Variants in DYNC2I1 observed in about 807,000 individuals in gnomAD.
DYNC2I1 encodes the protein cytoplasmic dynein 2 intermediate chain 1.
Under a neutral mutation model 133.4 loss-of-function variants are expected in DYNC2I1, and 89 were observed. That is an observed-to-expected ratio of 0.67 (90% CI 0.56 to 0.80). DYNC2I1 has a LOEUF of 0.80. Ranked by LOEUF, DYNC2I1 falls within the 30% of genes least tolerant of loss-of-function variation. The probability of loss-of-function intolerance (pLI) is 0.00; values close to 1 mark genes in which losing one functional copy is unlikely to be tolerated. For missense variants in DYNC2I1, 1,291 were observed against 1,314.5 expected (o/e 0.98, Z 0.28); for synonymous variants, 504 against 484.3 (o/e 1.04, Z -0.54).
In DYNC2I1 at chr7:158,911,625, A is replaced by G. The variant is rs1262631971; in HGVS notation, c.1536A>G (p.Pro512=). ...SFTFSLLDLP[P]VNEYDMYIRN... is the part of the protein sequence containing the mutation. ...CTTTCTCTCTCTTGGATCTACCACC[A>G]GTAAATGAATATGACATGTATATCA... The change falls in exon 12 of 25, where the codon CCA becomes CCG. Residue 512 remains proline (P), a synonymous_variant. Transcript: ENST00000407559. The G allele has an allele frequency of 2.5e-6, 4 of 1,613,742 alleles. No individual in the cohort carries two copies. The highest frequency in any genetic ancestry group is 3.3e-4 in the Middle Eastern group (2 of 6,060).
At chr7:158,898,308 G>T (rs1046653283) in intron 8 of DYNC2I1, among the ~76,000 whole-genome samples, 2 of 152,148 alleles carry the variant, frequency 1.3e-5, no homozygotes, top group South Asian at 4.1e-4. Flanking sequence ...CTGCCTGTTG[G>T]ATTTGTCCAT....
rs10231263 is a variant in DYNC2I1 at position 158,896,404 on chromosome 7, A to G, written c.1059+5071A>G. ...ATGGATTACATTAATTGATCCTTCAATGTTGAACCAGGCTTGCATACCTGG... is the reference window on the plus strand; with the variant it reads ...ATGGATTACATTAATTGATCCTTCAGTGTTGAACCAGGCTTGCATACCTGG... On this transcript the variant is annotated intron_variant, in intron 8 of 24. Coordinates refer to ENST00000407559, the MANE Select transcript of DYNC2I1 (RefSeq NM_018051.5). Among the ~76,000 whole-genome samples the G allele has an allele frequency of 3.7e-3, 568 of 152,274 alleles. 10 individuals carry two copies. The highest frequency in any genetic ancestry group is 0.012 in the African/African-American group (512 of 41,554).
intron 1 of DYNC2I1, among the ~76,000 whole-genome samples, chr7:158,863,635 CGGTGAGCGGGACGTCCTTAGCTGGGGGGG>C (rs1842091145): frequency 3.5e-5 from 1 of 28,258 alleles, no homozygotes. Context: ...TTGGGGGGGG[CGGTGAGCGGGACGTCCTTAGCTGGGGGGG>C]GGTGTGGGGA....
chr7:158,923,828 C>T, intron 17 of DYNC2I1, 95 bp downstream of exon 17: 1 of 1,496,698 alleles, frequency 6.7e-7, no homozygotes, highest in Non-Finnish European at 9.0e-7. Context: ...TATTTATTCA[C>T]ATTATCCCAG....
the DYNC2I1 span, among the ~76,000 whole-genome samples, chr7:158,842,506 C>A: frequency 1.4e-4 from 21 of 152,336 alleles, no homozygotes; most frequent in African/African-American, 4.6e-4. Context: ...GCCTTTCTGG[C>A]CTGCAGTCTC....
At chr7:158,877,417 T>A (rs552309533) in intron 4 of DYNC2I1, among the ~76,000 whole-genome samples, 21 of 152,378 alleles carry the variant, frequency 1.4e-4, no homozygotes, top group Admixed American at 9.8e-4. Flanking sequence ...GATGGTATGC[T>A]TTTTGGTTCG....
At chr7:158,877,799 T>C (rs115633198) in intron 4 of DYNC2I1, among the ~76,000 whole-genome samples, 2,399 of 152,272 alleles carry the variant, frequency 0.016, 54 homozygotes, top group African/African-American at 0.055. Flanking sequence ...TTTTCAAGAC[T>C]CTCCATCTGC....
intron 24 of DYNC2I1, among the ~76,000 whole-genome samples, chr7:158,944,352 T>G (rs1201047993): frequency 1.3e-5 from 2 of 152,144 alleles, no homozygotes; most frequent in African/African-American, 2.4e-5. Context: ...GTACTGTGTT[T>G]GCACATCTGC....
At chr7:158,870,887 G>T (rs1338212611) in intron 2 of DYNC2I1, among the ~76,000 whole-genome samples, 1 of 152,152 alleles carries the variant, frequency 6.6e-6, no homozygotes, top group African/African-American at 2.4e-5. Context: ...TTGCCGATCA[G>T]TGTGAATGTC....
intron 6 of DYNC2I1, among the ~76,000 whole-genome samples, chr7:158,885,249 T>C (rs1844479836): frequency 6.6e-6 from 1 of 152,050 alleles, no homozygotes; most frequent in South Asian, 2.1e-4. Context: ...GTCTACCTCT[T>C]AGTTGCAGTG....
intron 17 of DYNC2I1, among the ~76,000 whole-genome samples, chr7:158,924,453 G>A (rs1000954037): frequency 6.6e-6 from 1 of 152,136 alleles, no homozygotes; most frequent in Admixed American, 6.5e-5. Context: ...GATATGTTGC[G>A]TGTCTGTCTG....
the DYNC2I1 span, among the ~76,000 whole-genome samples, chr7:158,848,102 C>T: frequency 6.6e-6 from 1 of 152,208 alleles, no homozygotes; most frequent in African/African-American, 2.4e-5. Flanking sequence ...ATTAAACAAT[C>T]CCTGAGGGAT....
At chr7:158,949,864 C>T (rs1852001840), downstream of DYNC2I1, among the ~76,000 whole-genome samples, 1 of 152,082 alleles carries the variant, frequency 6.6e-6, no homozygotes, top group Admixed American at 6.5e-5. Flanking sequence ...CTCCGCCTCC[C>T]AGGTTCAAGC....
At chr7:158,890,391 A>G (rs1328615858) in intron 7 of DYNC2I1, among the ~76,000 whole-genome samples, 3 of 152,038 alleles carry the variant, frequency 2.0e-5, no homozygotes, top group East Asian at 1.9e-4. Context: ...GAATGTATCT[A>G]ACAGCTTGTT....
chr7:158,939,676 T>C (rs552681926), intron 23 of DYNC2I1, among the ~76,000 whole-genome samples: 6 of 152,296 alleles, frequency 3.9e-5, no homozygotes, highest in African/African-American at 1.2e-4. Context: ...AGGCATAGAA[T>C]GGCTGAATGG....
At chr7:158,889,058 C>T (rs919744977) in intron 7 of DYNC2I1, among the ~76,000 whole-genome samples, 4 of 150,764 alleles carry the variant, frequency 2.7e-5, no homozygotes, top group Non-Finnish European at 3.0e-5. Flanking sequence ...CACACACACA[C>T]ACACACACCC....
intron 4 of DYNC2I1, among the ~76,000 whole-genome samples, chr7:158,878,535 G>T (rs550786165): frequency 1.4e-5 from 2 of 141,560 alleles, no homozygotes; most frequent in South Asian, 4.6e-4. Context: ...ATGTGGGGAT[G>T]CCAGGAGGGC....
intron 5 of DYNC2I1, among the ~76,000 whole-genome samples, chr7:158,884,127 C>T (rs532685869): frequency 6.6e-6 from 1 of 150,450 alleles, no homozygotes; most frequent in Non-Finnish European, 1.5e-5. Flanking sequence ...TCATTGCAAG[C>T]TCCGCCTCCC....
chr7:158,941,873 T>C, intron 23 of DYNC2I1, 52 bp from the exon 24 acceptor site: 1 of 1,544,978 alleles, frequency 6.5e-7, no homozygotes, highest in Non-Finnish European at 8.7e-7. Context: ...TGAGACCCTG[T>C]CTCAAAAAGA....
Sources: allele counts gnomAD v4.1 joint callset (sites outside exome capture counted in the v4.1 genomes callset), GRCh38; gene constraint gnomAD v4.1.1; transcripts MANE v1.5; gene names NCBI Gene and HGNC (gene_info 2026-07-23, HGNC 2026-07-21).